SRP54: variants seen among roughly 807,000 people sequenced by gnomAD.
SRP54 encodes signal recognition particle 54.
Under a neutral mutation model 64.8 loss-of-function variants are expected in SRP54, and 10 were observed. The ratio of observed to expected loss-of-function variants is 0.15; its 90% CI spans 0.10 to 0.26. The LOEUF (loss-of-function observed/expected upper bound fraction) is 0.26. Among genes scored for constraint, SRP54 ranks in the 10% least tolerant of loss-of-function variants. The pLI is 1.00. For missense variants in SRP54, 325 were observed against 613.7 expected, an observed-to-expected ratio of 0.53 and a Z score of 4.97; for synonymous variants, 193 against 185.6, an observed-to-expected ratio of 1.04 and a Z score of -0.32.
chr14:35,011,992 A>G (rs2044363658), intron 8 of SRP54, among the ~76,000 whole-genome samples: 1 of 152,042 alleles, frequency 6.6e-6, no homozygotes, highest in African/African-American at 2.4e-5. Flanking sequence ...GCCAGGGCGG[A>G]TGGATCACAA....
At chr14:34,990,616 G>A (rs889139189) in intron 1 of SRP54, among the ~76,000 whole-genome samples, 2 of 152,168 alleles carry the variant, frequency 1.3e-5, no homozygotes, top group East Asian at 3.8e-4. Flanking sequence ...AATCGTTTTA[G>A]TTAGGCAAGA....
intron 5 of SRP54, 97 bp downstream of exon 5, chr14:35,007,484 A>T (rs1031557483): frequency 2.5e-6 from 1 of 392,958 alleles, no homozygotes; most frequent in Admixed American, 4.8e-5. Flanking sequence ...CTGGCTTTAT[A>T]ATGTTGAAAT....
chr14:34,995,571 T>G (rs1469561001), intron 1 of SRP54, among the ~76,000 whole-genome samples: 2 of 152,196 alleles, frequency 1.3e-5, no homozygotes. Context: ...TTTGCTTGTT[T>G]ATCATCCATA....
In SRP54 at chr14:35,026,521, A is replaced by G. The variant is rs368108371; in HGVS notation, c.1328-1567A>G. Among the ~76,000 whole-genome samples, 10 of 151,972 alleles carry G rather than the reference A, an allele frequency of 6.6e-5. No homozygotes were observed. The East Asian group carries it at 1.4e-3, about 21-fold the overall frequency. On this transcript the variant is annotated intron_variant, in intron 14 of 15. Coordinates refer to ENST00000216774, the MANE Select transcript of SRP54 (RefSeq NM_003136.4). ...AGTGCTGGGATTACAAATGTGACCC[A>G]CCTCACCCAGGCTGCATCTCTTTCA... is the stretch of plus-strand genomic sequence containing the variant.
intron 1 of SRP54, among the ~76,000 whole-genome samples, chr14:34,987,141 G>T (rs2043907866): frequency 6.7e-6 from 1 of 149,896 alleles, no homozygotes; most frequent in Non-Finnish European, 1.5e-5. Context: ...TGAGGCAGGA[G>T]AATCGCTTGA....
chr14:35,021,367 C>A (rs2139021210), intron 13 of SRP54, among the ~76,000 whole-genome samples: 1 of 152,248 alleles, frequency 6.6e-6, no homozygotes, highest in East Asian at 1.9e-4. Context: ...CGGTGGCTCT[C>A]AACTGTAATC....
At chr14:35,028,843 G>A (rs7144898) in intron 15 of SRP54, among the ~76,000 whole-genome samples, 52,690 of 151,806 alleles carry the variant, frequency 0.35, 9,728 homozygotes, top group East Asian at 0.69. Flanking sequence ...TTTATTCCTC[G>A]CAATAACTCC....
At chr14:35,009,974 C>G (rs1013826599) in intron 7 of SRP54, among the ~76,000 whole-genome samples, 4 of 151,796 alleles carry the variant, frequency 2.6e-5, no homozygotes, top group African/African-American at 9.7e-5. Flanking sequence ...ACAGTGAAAC[C>G]CTGTCTCTAC....
Position 35,029,164 on chromosome 14 carries a change from T to G in SRP54, c.*12T>G, listed in dbSNP as rs1443308777. On this transcript the variant is annotated 3_prime_UTR_variant, in exon 16 of 16. Coordinates refer to ENST00000216774, the MANE Select transcript of SRP54 (RefSeq NM_003136.4). ...TCAATAATATGTAAAGAAAATGCCT[T>G]AATATAAACTGACTCAGTTGAATAC... The G allele has an allele frequency of 6.2e-7, 1 of 1,606,604 alleles. No homozygotes were observed. Among genetic ancestry groups the G allele is most frequent in the East Asian group, 2.2e-5 (1 of 44,646 alleles).
chr14:34,992,507 G>A (rs1386953371), intron 1 of SRP54, among the ~76,000 whole-genome samples: 2 of 152,148 alleles, frequency 1.3e-5, no homozygotes, highest in African/African-American at 4.8e-5. Flanking sequence ...GATGGAGCAG[G>A]AGGCCATTAT....
chr14:35,015,839 C>T (rs555880276), intron 11 of SRP54, among the ~76,000 whole-genome samples: 4 of 152,290 alleles, frequency 2.6e-5, no homozygotes, highest in African/African-American at 4.8e-5. Flanking sequence ...AGGGATCATT[C>T]GAAGTTATCT....
At chr14:35,007,692 AAAT>A (rs2044285994) in intron 5 of SRP54, among the ~76,000 whole-genome samples, 3 of 124,282 alleles carry the variant, frequency 2.4e-5, no homozygotes, top group African/African-American at 8.1e-5. Context: ...TATTTACATA[AAAT>A]AGATTTTATT....
At chr14:35,013,646 C>T (rs1207686855) in intron 9 of SRP54, 152 bp downstream of exon 9, 1 of 1,128,204 alleles carries the variant, frequency 8.9e-7, no homozygotes, top group Admixed American at 2.7e-5. Context: ...ATTTTGGAGC[C>T]TGTCTGATAT....
At chr14:35,005,902 C>T (rs895246372) in intron 4 of SRP54, among the ~76,000 whole-genome samples, 4 of 151,982 alleles carry the variant, frequency 2.6e-5, no homozygotes, top group African/African-American at 7.3e-5. Context: ...TGCGGTGGCG[C>T]GATCTCGGCT....
At chr14:35,024,362 A>G (rs1274381387) in intron 14 of SRP54, among the ~76,000 whole-genome samples, 1 of 152,026 alleles carries the variant, frequency 6.6e-6, no homozygotes, top group African/African-American at 2.4e-5. Context: ...TATTTTCTCA[A>G]TATGTGTTTT....
intron 3 of SRP54, 63 bp downstream of exon 3, chr14:34,999,712 C>A: frequency 8.4e-7 from 1 of 1,195,114 alleles, no homozygotes; most frequent in East Asian, 2.4e-5. Flanking sequence ...GAAAGAGGTG[C>A]TAACTGGAAG....
chr14:35,029,401 T>C lies in SRP54; in HGVS notation c.*249T>C. 1 of 351,884 alleles carries C rather than the reference T, an allele frequency of 2.8e-6. No homozygotes were observed. The highest frequency in any genetic ancestry group is 2.1e-5 in the African/African-American group (1 of 46,782). The allele number at this position is 351,884 out of a possible 1,614,324, so 21.8% of individuals were successfully genotyped here. On this transcript the variant is annotated 3_prime_UTR_variant, in exon 16 of 16. Coordinates refer to ENST00000216774, the MANE Select transcript of SRP54 (RefSeq NM_003136.4). ...GTTTGCTTTAGATTTTCTTCTGTTT[T>C]CACCATCATAACACTTAAGTTAAAT...
intron 1 of SRP54, among the ~76,000 whole-genome samples, chr14:34,992,903 C>T (rs2044003802): frequency 6.6e-6 from 1 of 152,056 alleles, no homozygotes. Flanking sequence ...GAGTCTCACT[C>T]CATCTCATCA....
chr14:35,025,727 A>G (rs996262513), intron 14 of SRP54, among the ~76,000 whole-genome samples: 31 of 152,214 alleles, frequency 2.0e-4, no homozygotes, highest in Non-Finnish European at 1.5e-4. Context: ...TTCATCATAA[A>G]TGGTTTTCAC....
Sources: gnomAD v4.1 joint callset for allele counts (sites outside exome capture counted in the v4.1 genomes callset) on GRCh38, gnomAD v4.1.1 for gene constraint, MANE v1.5 for transcripts, NCBI Gene and HGNC (gene_info 2026-07-23, HGNC 2026-07-21) for gene names.